Variants in PSMG2 observed in about 807,000 individuals in gnomAD.
The protein encoded by PSMG2 is CD40 ligand-activated specific transcript 3.
In PSMG2, 21 loss-of-function variants were observed where a neutral mutation model predicts 31.5. That is an observed-to-expected ratio of 0.67 (90% CI 0.47 to 0.96). The LOEUF is 0.96. Among genes scored for constraint, PSMG2 ranks in the 40% least tolerant of loss-of-function variants. The probability of loss-of-function intolerance (pLI) is 0.00; values close to 1 mark genes in which losing one functional copy is unlikely to be tolerated. For missense variants in PSMG2, 318 were observed against 321.2 expected (o/e 0.99, Z 0.08); for synonymous variants, 120 against 110.4 (o/e 1.09, Z -0.54).
At chr18:12,700,053 T>C (rs564697286), upstream of PSMG2, 29 of 447,068 alleles carry the variant, frequency 6.5e-5, no homozygotes, top group East Asian at 9.2e-4. Flanking sequence ...CTAATTAAAA[T>C]AATGAAAATA....
chr18:12,678,695 G>A (rs568490029), intron 1 of PSMG2, among the ~76,000 whole-genome samples: 1 of 152,162 alleles, frequency 6.6e-6, no homozygotes, highest in East Asian at 1.9e-4. Flanking sequence ...AAGGCCGGAT[G>A]CGGTAGTCCC....
intron 1 of PSMG2, among the ~76,000 whole-genome samples, chr18:12,681,865 G>C (rs898072787): frequency 6.6e-6 from 1 of 152,088 alleles, no homozygotes. Context: ...GTATGGTGGT[G>C]TGTGCCTGTA....
chr18:12,676,769 G>C (rs1277616100), intron 1 of PSMG2, among the ~76,000 whole-genome samples: 1 of 152,122 alleles, frequency 6.6e-6, no homozygotes, highest in Admixed American at 6.6e-5. Context: ...CAAAATGTAT[G>C]TTTAAATGCT....
chr18:12,724,451 T>C, intron 5 of PSMG2, 48 bp from the exon 6 acceptor site: 2 of 1,534,452 alleles, frequency 1.3e-6, no homozygotes, highest in South Asian at 2.6e-5. Flanking sequence ...TAGAGTCAGC[T>C]CTTGTACCCT....
upstream of PSMG2, chr18:12,699,312 TAAAAA>T (rs200050156): frequency 2.8e-6 from 2 of 709,862 alleles, no homozygotes. Flanking sequence ...TACCAAAGAC[TAAAAA>T]AAAAGCAAAA....
At chr18:12,691,287 T>A (rs1480332013) in intron 1 of PSMG2, 7 of 942,410 alleles carry the variant, frequency 7.4e-6, no homozygotes, top group African/African-American at 3.4e-5. Flanking sequence ...AAATAAATAT[T>A]AAATGAAATT....
At chr18:12,680,946 C>A in intron 1 of PSMG2, 1 of 946,574 alleles carries the variant, frequency 1.1e-6, no homozygotes. Flanking sequence ...CGCCTGTAAT[C>A]CCAACACTTT....
intron 3 of PSMG2, among the ~76,000 whole-genome samples, chr18:12,715,926 A>G (rs1208217561): frequency 6.6e-6 from 1 of 152,066 alleles, no homozygotes; most frequent in African/African-American, 2.4e-5. Flanking sequence ...AGATCAAGAC[A>G]TAGAGCATTG....
At chr18:12,707,626 C>T (rs1287047969) in intron 2 of PSMG2, among the ~76,000 whole-genome samples, 1 of 152,186 alleles carries the variant, frequency 6.6e-6, no homozygotes, top group Non-Finnish European at 1.5e-5. Flanking sequence ...GGTTATAATG[C>T]AGCACAGCAC....
intron 1 of PSMG2, among the ~76,000 whole-genome samples, chr18:12,665,290 G>A (rs1429101981): frequency 2.0e-5 from 3 of 152,172 alleles, no homozygotes; most frequent in Non-Finnish European, 4.4e-5. Context: ...GTATAGGCGT[G>A]GTGGTATGTG....
intron 1 of PSMG2, among the ~76,000 whole-genome samples, chr18:12,703,621 TAA>T (rs1414155401): frequency 1.3e-5 from 2 of 152,344 alleles, no homozygotes; most frequent in East Asian, 1.9e-4. Context: ...ATTGTTTTAA[TAA>T]AGTCTGTTAT....
Position 12,720,567 on chromosome 18 carries a change from A to T in PSMG2, c.465A>T (p.Ile155=), listed in dbSNP as rs773135054. The change falls in exon 5 of 7, where the codon ATA becomes ATT. Residue 155 remains isoleucine, a synonymous_variant. Transcript: ENST00000317615. ...PSMQKSVQNK[I]KSLNWEEMEK... Reference sequence around the variant, plus strand: ...TGCAAAAAAGTGTTCAAAATAAAATAAAGAGCCTTAACTGGGAAGAAATGG... The same window carrying T: ...TGCAAAAAAGTGTTCAAAATAAAATTAAGAGCCTTAACTGGGAAGAAATGG... 1 of 1,613,084 alleles carries T rather than the reference A, an allele frequency of 6.2e-7. No homozygotes were observed. The highest frequency in any genetic ancestry group is 1.1e-5 in the South Asian group (1 of 90,930).
chr18:12,713,635 T>C (rs2040351029), intron 3 of PSMG2, among the ~76,000 whole-genome samples: 1 of 152,236 alleles, frequency 6.6e-6, no homozygotes. Context: ...AAGCTTGTTC[T>C]CTGCAGACTC....
intron 1 of PSMG2, among the ~76,000 whole-genome samples, chr18:12,687,350 T>C (rs924348703): frequency 5.3e-5 from 8 of 152,168 alleles, no homozygotes; most frequent in African/African-American, 1.7e-4. Context: ...AACTCACTTA[T>C]TTACATTTGA....
At chr18:12,707,426 A>G (rs1280750302) in intron 2 of PSMG2, among the ~76,000 whole-genome samples, 1 of 152,134 alleles carries the variant, frequency 6.6e-6, no homozygotes, top group African/African-American at 2.4e-5. Context: ...TAGGTTTAAT[A>G]TATGTTACGT....
At chr18:12,711,967 T>C (rs957272356) in intron 2 of PSMG2, among the ~76,000 whole-genome samples, 1 of 151,962 alleles carries the variant, frequency 6.6e-6, no homozygotes, top group Non-Finnish European at 1.5e-5. Flanking sequence ...CCATGTTAGC[T>C]AGGATGATCT....
At position 12,724,491 on chromosome 18, in the gene PSMG2, T is replaced by C; in HGVS notation, c.582-8T>C. 1 of 1,589,836 alleles carries C rather than the reference T, an allele frequency of 6.3e-7. No homozygotes were observed. The highest frequency in any genetic ancestry group is 8.5e-7 in the Non-Finnish European group (1 of 1,170,988). On this transcript the variant is annotated splice_region_variant and splice_polypyrimidine_tract_variant and intron_variant, in intron 5 of 6. Coordinates refer to ENST00000317615, the MANE Select transcript of PSMG2 (RefSeq NM_020232.5). ...AAGAATACTGATTCTTATTTTTATT[T>C]CTTGTAGCTGTTCTAAAGAAATCCA...
In PSMG2 at chr18:12,658,775, T is replaced by A. The variant is rs2038634552; in HGVS notation, c.-37+2T>A. 1 of 336,286 alleles carries A rather than the reference T, an allele frequency of 3.0e-6. No individual in the cohort carries two copies. Among genetic ancestry groups the A allele is most frequent in the South Asian group, 2.2e-5 (1 of 45,752 alleles). The allele number at this position is 336,286 out of a possible 1,614,324, so 20.8% of individuals were successfully genotyped here. ...TCCCTCTCCACTCCCATCTTCAGGG[T>A]AAGCACCGTAAAGACGGGGATCTTT... On this transcript the variant is annotated splice_donor_variant, in intron 1 of 6. Coordinates refer to the PSMG2 transcript ENST00000585331. LOFTEE classifies it low-confidence loss of function (5UTR_SPLICE).
At chr18:12,687,291 C>A (rs1035216364) in intron 1 of PSMG2, among the ~76,000 whole-genome samples, 3 of 152,018 alleles carry the variant, frequency 2.0e-5, no homozygotes, top group African/African-American at 7.2e-5. Flanking sequence ...TTCTCCACAA[C>A]CAGAACATCT....
Sources: gnomAD v4.1 joint callset for allele counts (sites outside exome capture counted in the v4.1 genomes callset) on GRCh38, gnomAD v4.1.1 for gene constraint, MANE v1.5 for transcripts, NCBI Gene and HGNC (gene_info 2026-07-23, HGNC 2026-07-21) for gene names.